Variants in RHOA observed in about 807,000 individuals in gnomAD.
RHOA encodes the protein ras homolog family member A, also known as transforming protein RhoA.
RHOA carries 3 observed loss-of-function variants against 17.5 expected under a neutral mutation model. That is an observed-to-expected ratio of 0.17 (90% CI 0.08 to 0.44). The LOEUF is 0.44. Among genes scored for constraint, RHOA ranks in the 20% least tolerant of loss-of-function variants. RHOA has a pLI of 0.99. For missense variants in RHOA, 56 were observed against 242.3 expected (o/e 0.23, Z 5.10); for synonymous variants, 98 against 88.4 (o/e 1.11, Z -0.61).
intron 1 of RHOA, among the ~76,000 whole-genome samples, chr3:49,381,860 C>T (rs998282276): frequency 7.2e-6 from 1 of 139,324 alleles, no homozygotes; most frequent in Non-Finnish European, 1.6e-5. Flanking sequence ...AGCGAAAATT[C>T]GTCTCAAAAA....
chr3:49,395,326 G>A (rs2048596401), intron 1 of RHOA, among the ~76,000 whole-genome samples: 1 of 152,094 alleles, frequency 6.6e-6, no homozygotes, highest in Admixed American at 6.6e-5. Context: ...TAGACCAGAG[G>A]ATATGGTATG....
In RHOA at chr3:49,399,351, C is replaced by G. The variant is rs1177410; in HGVS notation, c.-3+12469G>C. Among the ~76,000 whole-genome samples the G allele has an allele frequency of 4.8e-5, 7 of 146,384 alleles. No individual in the cohort carries two copies. In the South Asian group the frequency reaches 1.5e-3, roughly 31 times the overall value. ...CACCACTGCACTGCAGCCTGGGCGA[C>G]AGAGCGAGACTCTGTCTCAAAAAAA... On this transcript the variant is annotated intron_variant, in intron 1 of 4. Transcript: ENST00000418115.
chr3:49,398,751 A>C (rs576930781), intron 1 of RHOA, among the ~76,000 whole-genome samples: 1 of 147,086 alleles, frequency 6.8e-6, no homozygotes, highest in East Asian at 2.1e-4. Context: ...GAGGCAGGAG[A>C]ACGGCGTGAA....
intron 1 of RHOA, among the ~76,000 whole-genome samples, chr3:49,397,526 T>A (rs2048637636): frequency 6.6e-6 from 1 of 152,074 alleles, no homozygotes; most frequent in Admixed American, 6.6e-5. Context: ...TTAAAAAAAA[T>A]AAGCGTTGAA....
intron 4 of RHOA, among the ~76,000 whole-genome samples, chr3:49,361,951 G>C (rs2107828964): frequency 6.6e-6 from 1 of 152,086 alleles, no homozygotes; most frequent in South Asian, 2.1e-4. Flanking sequence ...ACTTTGGGAG[G>C]CAAAAGTGGG....
chr3:49,404,891 A>C (rs2048798308), intron 1 of RHOA, among the ~76,000 whole-genome samples: 1 of 151,462 alleles, frequency 6.6e-6, no homozygotes, highest in Non-Finnish European at 1.5e-5. Flanking sequence ...GTGAGCCGAG[A>C]TCACGCCACT....
chr3:49,369,010 T>G (rs2048106197), intron 2 of RHOA, among the ~76,000 whole-genome samples: 1 of 34,042 alleles, frequency 2.9e-5, no homozygotes, highest in Admixed American at 2.3e-4. Context: ...CCTGGCCTTT[T>G]TTTTTTTTTT....
rs939360364 is a variant in RHOA, at chr3:49,408,425, T to C, written c.-3+3395A>G. On this transcript the variant is annotated intron_variant, in intron 1 of 4. Coordinates refer to ENST00000418115, the MANE Select transcript of RHOA (RefSeq NM_001664.4). ...AAGAGTATTTGATGTTTTTCTTTAT[T>C]ATTAGCTATAAAAATGTATTTGGAT... is the stretch of plus-strand genomic sequence containing the variant. Among the ~76,000 whole-genome samples the C allele has an allele frequency of 2.0e-5, 3 of 152,200 alleles. No individual in the cohort carries two copies. The South Asian group carries it at 6.2e-4, about 32-fold the overall frequency.
At chr3:49,375,046 G>A (rs1165317249) in intron 2 of RHOA, among the ~76,000 whole-genome samples, 1 of 152,014 alleles carries the variant, frequency 6.6e-6, no homozygotes, top group Non-Finnish European at 1.5e-5. Flanking sequence ...TGAGGTGGGT[G>A]GATCACCCGA....
At chr3:49,371,568 C>T (rs950032054) in intron 2 of RHOA, among the ~76,000 whole-genome samples, 1 of 152,124 alleles carries the variant, frequency 6.6e-6, no homozygotes, top group Non-Finnish European at 1.5e-5. Context: ...GTGTGAGCTA[C>T]GACGTCTGGC....
chr3:49,403,331 C>T (rs2048759136), intron 1 of RHOA, among the ~76,000 whole-genome samples: 1 of 152,104 alleles, frequency 6.6e-6, no homozygotes, highest in South Asian at 2.1e-4. Flanking sequence ...AAGACTCCGT[C>T]TCAAAAATAA....
At chr3:49,386,909 T>C (rs141325317) in intron 1 of RHOA, among the ~76,000 whole-genome samples, 2,089 of 143,638 alleles carry the variant, frequency 0.015, 29 homozygotes, top group Non-Finnish European at 0.018. Context: ...CGTCAGGAAA[T>C]CGAGACCAGT....
At chr3:49,406,490 A>C (rs187391265) in intron 1 of RHOA, among the ~76,000 whole-genome samples, 56 of 152,316 alleles carry the variant, frequency 3.7e-4, no homozygotes, top group Non-Finnish European at 2.9e-5. Context: ...AGAAATTAAA[A>C]ATCTTGGCCA....
intron 1 of RHOA, among the ~76,000 whole-genome samples, chr3:49,393,394 C>A (rs1321927435): frequency 6.6e-6 from 1 of 151,684 alleles, no homozygotes; most frequent in African/African-American, 2.4e-5. Context: ...GCAGCCTCAA[C>A]CTCCCAGGCT....
At chr3:49,405,629 A>G (rs1332598372) in intron 1 of RHOA, among the ~76,000 whole-genome samples, 3 of 152,122 alleles carry the variant, frequency 2.0e-5, no homozygotes, top group African/African-American at 7.2e-5. Context: ...TTTAACTGTC[A>G]GTTTCTCTCC....
chr3:49,387,626 T>C (rs1346621936), intron 1 of RHOA, among the ~76,000 whole-genome samples: 1 of 151,412 alleles, frequency 6.6e-6, no homozygotes, highest in African/African-American at 2.4e-5. Flanking sequence ...GCACCTGTAG[T>C]TCCAGCTACT....
intron 1 of RHOA, among the ~76,000 whole-genome samples, chr3:49,396,699 C>T (rs2048622093): frequency 6.6e-6 from 1 of 151,982 alleles, no homozygotes; most frequent in African/African-American, 2.4e-5. Flanking sequence ...AAGAGCAAAA[C>T]ATCACACACA....
In RHOA at chr3:49,393,672, CTCTCTGTG is replaced by C. The variant is rs1232840367; in HGVS notation, c.-2-18089_-2-18082del. 1.3e-3 allele frequency among the ~76,000 whole-genome samples: 71 copies of C among 54,228 alleles called. 1 individual carries two copies. The highest frequency in any genetic ancestry group is 3.3e-3 in the South Asian group (2 of 612). The allele number at this position is 54,228 out of a possible 152,430, so 35.6% of individuals were successfully genotyped here. ...CCACAGGTCCCTTGTCTCAAATTCT[CTCTCTGTG>C]TGTGTGTGTGTGTGTGTGTGTGTGT... On this transcript the variant is annotated intron_variant, in intron 1 of 4. Coordinates refer to ENST00000418115, the MANE Select transcript of RHOA (RefSeq NM_001664.4).
chr3:49,397,770 C>CATCT (rs1321381620), intron 1 of RHOA, among the ~76,000 whole-genome samples: 1 of 151,922 alleles, frequency 6.6e-6, no homozygotes, highest in Non-Finnish European at 1.5e-5. Flanking sequence ...AAGGGCTGAC[C>CATCT]TTAGATAGAA....
Sources: gnomAD v4.1 joint callset for allele counts (sites outside exome capture counted in the v4.1 genomes callset) on GRCh38, gnomAD v4.1.1 for gene constraint, MANE v1.5 for transcripts, NCBI Gene and HGNC (gene_info 2026-07-23, HGNC 2026-07-21) for gene names.